Variants in PIK3R2 observed in about 807,000 individuals in gnomAD.
PIK3R2 encodes the protein phosphoinositide-3-kinase regulatory subunit 2.
PIK3R2 carries 40 observed loss-of-function variants against 78.5 expected under a neutral mutation model. The observed-to-expected ratio is 0.51, with a 90% CI of 0.40 to 0.66. The LOEUF (loss-of-function observed/expected upper bound fraction) is 0.66. PIK3R2 is among the 30% of genes least tolerant of loss of function. The probability of loss-of-function intolerance (pLI) is 0.00; values close to 1 mark genes in which losing one functional copy is unlikely to be tolerated. For synonymous variants in PIK3R2, 473 were observed against 457.7 expected (o/e 1.03, Z -0.43); for missense variants, 880 against 1,026.6 (o/e 0.86, Z 1.95).
rs767751649 is a variant in PIK3R2 at position 18,156,236 on chromosome 19, G to A, written c.322+35G>A. ...AAGCAGGGGCCCTGGAAAGGGGGGT[G>A]GTCCCCTCAGACCCTTGGTCTCCTC... On this transcript the variant is annotated intron_variant, in intron 2 of 15. Coordinates refer to ENST00000222254, the MANE Select transcript of PIK3R2 (RefSeq NM_005027.4). The surrounding 1 kb of genome is among the most constrained non-coding windows in gnomAD (Gnocchi z 4.2). 9.9e-6 allele frequency: 14 copies of A among 1,421,040 alleles called. No individual in the cohort carries two copies. The highest frequency in any genetic ancestry group is 1.1e-5 in the Non-Finnish European group (12 of 1,076,676). 88.0% of individuals were successfully genotyped at this position (1,421,040 alleles called of 1,614,324 possible).
At position 18,161,353 on chromosome 19, in the gene PIK3R2, C is replaced by T; in HGVS notation, c.673C>T (p.Leu225=). ...PLHRALTLRF[L]LQHLGRVASR... is the part of the protein sequence containing the mutation. ...GCACCGCGCGCTCACGCTGCGCTTCCTGCTCCAGCACCTGGGCCGCGTGGC... is the reference window on the plus strand; with the variant it reads ...GCACCGCGCGCTCACGCTGCGCTTCTTGCTCCAGCACCTGGGCCGCGTGGC... The change falls in exon 6 of 16, where the codon CTG becomes TTG. Residue 225 remains leucine (L), a synonymous_variant. Transcript: ENST00000222254. The surrounding 1 kb of genome is among the most constrained non-coding windows in gnomAD (Gnocchi z 5.3). 2.3e-6 allele frequency: 3 copies of T among 1,321,106 alleles called. No homozygotes were observed. In the South Asian group the frequency reaches 6.1e-5, roughly 27 times the overall value. The allele number at this position is 1,321,106 out of a possible 1,614,324, so 81.8% of individuals were successfully genotyped here. A position where few individuals can be genotyped will look rare whatever the true frequency, so the allele number is the denominator to read the frequency against.
intron 1 of PIK3R2, among the ~76,000 whole-genome samples, 168 bp from the exon 2 acceptor site, chr19:18,155,289 G>T (rs1410060687): frequency 6.6e-6 from 1 of 152,152 alleles, no homozygotes. Context: ...CCAAGGGAAG[G>T]CTGTCAGTAT....
chr19:18,160,472 C>T lies in PIK3R2; in HGVS notation c.324C>T (p.Gly108=), dbSNP rs2043729545. The change falls in exon 3 of 16, where the codon GGC becomes GGT. Residue 108 remains glycine (G), a splice_region_variant and synonymous_variant. Transcript: ENST00000222254. ...ARPRDGAPEP[G]LTLPDLPEQF... is the part of the protein sequence containing the mutation. ...CAACCCCCCTGTTTCCCCCACCAGG[C>T]CTCACACTCCCCGACTTGCCCGAGC... 2 of 1,604,068 alleles carry T rather than the reference C, an allele frequency of 1.2e-6. No homozygotes were observed. Among genetic ancestry groups the T allele is most frequent in the African/African-American group, 2.7e-5 (2 of 74,880 alleles).
chr19:18,160,803 A>C, intron 3 of PIK3R2, 116 bp from the exon 4 acceptor site: 22 of 1,160,262 alleles, frequency 1.9e-5, no homozygotes, highest in Non-Finnish European at 2.5e-5. Context: ...CACCCCTCCC[A>C]TGCCCTTATC....
At chr19:18,165,195 C>T (rs1034007205) in intron 11 of PIK3R2, among the ~76,000 whole-genome samples, 2 of 134,164 alleles carry the variant, frequency 1.5e-5, no homozygotes, top group African/African-American at 2.8e-5. Context: ...TGGTGAATCC[C>T]TGTCTCTACT....
chr19:18,159,702 C>T (rs907252583), intron 2 of PIK3R2, among the ~76,000 whole-genome samples: 6 of 151,934 alleles, frequency 3.9e-5, no homozygotes, highest in African/African-American at 1.5e-4. Context: ...GTCTCAGCCT[C>T]CCAAAGTACT....
intron 11 of PIK3R2, among the ~76,000 whole-genome samples, chr19:18,163,892 C>T (rs1200977427): frequency 2.6e-5 from 4 of 150,994 alleles, no homozygotes; most frequent in African/African-American, 9.8e-5. Context: ...TTTGGGAGGC[C>T]GAGATGGGTG....
rs1342006669 is a variant in PIK3R2 at position 18,161,358 on chromosome 19, C to G, written c.678C>G (p.Leu226=). 3.1e-6 allele frequency: 4 copies of G among 1,304,712 alleles called. No individual in the cohort carries two copies. The South Asian group carries it at 6.6e-5, about 22-fold the overall frequency. 80.8% of individuals were successfully genotyped at this position (1,304,712 alleles called of 1,614,324 possible). Residue 226 remains leucine, a synonymous_variant, in exon 6 of 16, where the codon CTC becomes CTG. Transcript: ENST00000222254. The surrounding 1 kb of genome is among the most constrained non-coding windows in gnomAD (Gnocchi z 5.3). ...GCGCGCTCACGCTGCGCTTCCTGCT[C>G]CAGCACCTGGGCCGCGTGGCCAGCC... ...LHRALTLRFL[L]QHLGRVASRA... is the part of the protein sequence containing the mutation.
intron 1 of PIK3R2, 37 bp from the exon 2 acceptor site, chr19:18,155,420 T>G (rs2043666574): frequency 2.6e-6 from 1 of 390,444 alleles, no homozygotes; most frequent in Non-Finnish European, 4.5e-6. Flanking sequence ...TGAGAGGAGT[T>G]GGCCTGGCTA....
At position 18,163,071 on chromosome 19, in the gene PIK3R2, A is replaced by G. The variant is rs748256656; in HGVS notation, c.1214A>G (p.Tyr405Cys). ...TCCGTTGTGGACCTCATCAATCACT[A>G]CCGCCACGAGTCTCTGGCCCAGTAC... ...FCSVVDLINH[Y>C]RHESLAQYNA... Residue 405 changes from tyrosine (Y) to cysteine (C), a missense_variant, in exon 10 of 16, where the codon TAC becomes TGC. Around this residue, in one of 3 missense-constraint regions of PIK3R2, gnomAD observed 156 missense variants for 241.0 expected, o/e 0.65. Transcript: ENST00000222254. The G allele has an allele frequency of 3.7e-6, 6 of 1,613,270 alleles. No homozygotes were observed. Among genetic ancestry groups the G allele is most frequent in the Non-Finnish European group, 4.2e-6 (5 of 1,179,888 alleles).
intron 15 of PIK3R2, 65 bp from the exon 16 acceptor site, chr19:18,169,022 C>T: frequency 8.3e-6 from 13 of 1,575,746 alleles, no homozygotes; most frequent in Non-Finnish European, 1.1e-5. Context: ...GCACGCGGCC[C>T]TGGAACGGGG....
At chr19:18,166,769 A>C (rs2043814756) in intron 12 of PIK3R2, among the ~76,000 whole-genome samples, 1 of 151,804 alleles carries the variant, frequency 6.6e-6, no homozygotes, top group Admixed American at 6.6e-5. Context: ...TAGAAAGAGA[A>C]ATCAGAGGAA....
intron 10 of PIK3R2, 46 bp from the exon 11 acceptor site, chr19:18,163,217 C>T: frequency 6.2e-7 from 1 of 1,614,010 alleles, no homozygotes; most frequent in Admixed American, 1.7e-5. Flanking sequence ...CCTAGGTAGA[C>T]CCGACCAGGC....
chr19:18,166,378 A>G (rs1192286075), intron 12 of PIK3R2, 76 bp downstream of exon 12: 9 of 1,324,344 alleles, frequency 6.8e-6, no homozygotes, highest in South Asian at 3.8e-5. Context: ...AAGGAAGCAG[A>G]AGGAGGCCAG....
At chr19:18,162,127 G>A in intron 7 of PIK3R2, 75 bp from the exon 8 acceptor site, 1 of 1,501,870 alleles carries the variant, frequency 6.7e-7, no homozygotes, top group Non-Finnish European at 9.3e-7. Flanking sequence ...GCCGGCATCA[G>A]CAGGCTGGTT....
intron 1 of PIK3R2, among the ~76,000 whole-genome samples, chr19:18,154,130 G>GCGCCTTCCTA (rs2043652333): frequency 6.6e-6 from 1 of 152,128 alleles, no homozygotes; most frequent in Non-Finnish European, 1.5e-5. Context: ...CCGTCTGCCT[G>GCGCCTTCCTA]TCGCGCCTTC....
At chr19:18,166,075 G>C in intron 11 of PIK3R2, 85 bp from the exon 12 acceptor site, 1 of 1,538,732 alleles carries the variant, frequency 6.5e-7, no homozygotes, top group Non-Finnish European at 9.0e-7. Context: ...AGCAGTCTCC[G>C]TATCAGAGTT....
Position 18,168,877 on chromosome 19 carries a change from T to C in PIK3R2, c.1960T>C (p.Cys654Arg). Reference protein sequence around the residue: ...FLIRESSQRGCYACSVVVDGD... With the variant: ...FLIRESSQRGRYACSVVVDGD... ...CATCCGCGAGAGCAGCCAGCGGGGC[T>C]GCTACGCCTGCTCCGTGGTGTGAGT... The change falls in exon 15 of 16, where the codon TGC becomes CGC. Residue 654 changes from cysteine (C) to arginine (R), a missense_variant. By Grantham distance (180) the Cys-to-Arg change is radical. Transcript: ENST00000222254. The surrounding 1 kb of genome is among the most constrained non-coding windows in gnomAD (Gnocchi z 4.1). 6.2e-7 allele frequency: 1 copy of C among 1,613,062 alleles called. No individual in the cohort carries two copies. The highest frequency in any genetic ancestry group is 1.1e-5 in the South Asian group (1 of 90,926).
chr19:18,167,866 AAAAG>A lies in PIK3R2; in HGVS notation c.1736+564_1736+567del, dbSNP rs2043825148. On this transcript the variant is annotated intron_variant, in intron 13 of 15. Coordinates refer to ENST00000222254, the MANE Select transcript of PIK3R2 (RefSeq NM_005027.4). This position sits in a 1 kb window ranked among gnomAD's most constrained non-coding sequence, Gnocchi z 4.5. ...GCAACAGAGCAACACTCTGCCTCAG[AAAAG>A]AAAAGAAAAAAAAAATCGCCTGCTG... Among the ~76,000 whole-genome samples, 16 of 152,014 alleles carry A rather than the reference AAAAG, an allele frequency of 1.1e-4. No homozygotes were observed. The highest frequency in any genetic ancestry group is 1.1e-3 in the Admixed American group (16 of 15,236).
Sources: allele counts gnomAD v4.1 joint callset (sites outside exome capture counted in the v4.1 genomes callset), GRCh38; gene constraint gnomAD v4.1.1; regional missense constraint gnomAD v4.1.1; non-coding constraint Gnocchi (gnomAD v3.1); transcripts MANE v1.5; gene names NCBI Gene and HGNC (gene_info 2026-07-23, HGNC 2026-07-21).